The following ITGAV variants were observed in gnomAD, a reference collection of about 807,000 sequenced individuals.
The protein encoded by ITGAV is integrin subunit alpha V.
A neutral mutation model predicts 143.8 loss-of-function variants in ITGAV; 76 were observed. The ratio of observed to expected loss-of-function variants is 0.53; its 90% CI spans 0.44 to 0.64. The LOEUF (loss-of-function observed/expected upper bound fraction) is 0.64, where lower values mean the gene tolerates loss of function less well. ITGAV is among the 30% of genes least tolerant of loss of function. The pLI is 0.00. For missense variants in ITGAV, 1,193 were observed against 1,274.7 expected, an observed-to-expected ratio of 0.94 and a Z score of 0.98; for synonymous variants, 453 against 446.7, an observed-to-expected ratio of 1.01 and a Z score of -0.18.
In ITGAV at chr2:186,668,868, A is replaced by G; in HGVS notation, c.2540A>G (p.Asp847Gly). 1 of 1,613,418 alleles carries G rather than the reference A, an allele frequency of 6.2e-7. No individual in the cohort carries two copies. Among genetic ancestry groups the G allele is most frequent in the Non-Finnish European group, 8.5e-7 (1 of 1,179,574 alleles). Residue 847 changes from aspartate (D) to glycine (G), a missense_variant, in exon 25 of 30, where the codon GAT (aspartate) becomes GGT (glycine). Asp to Gly is a moderately conservative substitution (Grantham distance 94). Transcript: ENST00000261023. ...TTGTATATCCTTCATTATGATATTG[A>G]TGGACCAATGAACTGCACTTCAGAT... Reference protein sequence around the residue: ...TLLYILHYDIDGPMNCTSDME... With the variant: ...TLLYILHYDIGGPMNCTSDME...
chr2:186,595,268 A>G (rs1230570178), intron 1 of ITGAV, among the ~76,000 whole-genome samples: 1 of 152,252 alleles, frequency 6.6e-6, no homozygotes, highest in Non-Finnish European at 1.5e-5. Flanking sequence ...CAGTGCTGAA[A>G]GCAGACAAAC....
At chr2:186,600,507 C>T in intron 1 of ITGAV, 1 of 1,281,034 alleles carries the variant, frequency 7.8e-7, no homozygotes, top group Non-Finnish European at 1.1e-6. Context: ...CCCTCTCATC[C>T]TTAGAGATAA....
At chr2:186,655,743 A>C (rs1313159392) in intron 16 of ITGAV, among the ~76,000 whole-genome samples, 1 of 152,240 alleles carries the variant, frequency 6.6e-6, no homozygotes, top group Non-Finnish European at 1.5e-5. Flanking sequence ...TCCTGAAGGC[A>C]TATTCATCTG....
At chr2:186,613,503 T>C (rs560490445) in intron 2 of ITGAV, among the ~76,000 whole-genome samples, 1 of 152,190 alleles carries the variant, frequency 6.6e-6, no homozygotes, top group African/African-American at 2.4e-5. Context: ...GTAAAAGATG[T>C]TTCTGGATAG....
chr2:186,639,537 C>T (rs1332491070), intron 10 of ITGAV, among the ~76,000 whole-genome samples: 4 of 152,160 alleles, frequency 2.6e-5, no homozygotes, highest in Non-Finnish European at 5.9e-5. Context: ...ATGTATGAGT[C>T]TGGATCCTAC....
intron 1 of ITGAV, among the ~76,000 whole-genome samples, chr2:186,599,744 A>C (rs1484007028): frequency 6.6e-6 from 1 of 152,174 alleles, no homozygotes. Context: ...GTAAGTACTT[A>C]ATCTGCCTTC....
intron 5 of ITGAV, among the ~76,000 whole-genome samples, chr2:186,632,645 C>G (rs1244542488): frequency 1.3e-5 from 2 of 152,072 alleles, no homozygotes; most frequent in East Asian, 3.9e-4. Context: ...AAATTTTATT[C>G]TCAACTTCAC....
At chr2:186,603,499 G>A (rs1686970545) in intron 2 of ITGAV, among the ~76,000 whole-genome samples, 1 of 151,516 alleles carries the variant, frequency 6.6e-6, no homozygotes, top group Admixed American at 6.6e-5. Flanking sequence ...AAACTCTGTT[G>A]TTGTATTTTT....
chr2:186,615,658 T>A (rs1687333304), intron 2 of ITGAV, among the ~76,000 whole-genome samples: 1 of 152,146 alleles, frequency 6.6e-6, no homozygotes, highest in Non-Finnish European at 1.5e-5. Flanking sequence ...TTGTTTGTCT[T>A]ACTGAGTTGT....
At chr2:186,670,624 C>G (rs1221945934) in intron 26 of ITGAV, among the ~76,000 whole-genome samples, 2 of 152,174 alleles carry the variant, frequency 1.3e-5, no homozygotes, top group African/African-American at 2.4e-5. Context: ...ATAGTGATCA[C>G]TAGTTACTTT....
chr2:186,660,680 G>A (rs1231634017), intron 18 of ITGAV: 1 of 152,118 alleles, frequency 6.6e-6, no homozygotes, highest in Middle Eastern at 3.2e-3. Flanking sequence ...AAAGGTATAG[G>A]TGAAATTTAT....
intron 5 of ITGAV, 25 bp downstream of exon 5, chr2:186,630,883 G>A (rs1473853258): frequency 7.7e-7 from 1 of 1,290,664 alleles, no homozygotes; most frequent in Non-Finnish European, 1.1e-6. Context: ...AAGACTGAAT[G>A]AGATTCACAT....
chr2:186,624,677 T>C (rs1276406597), intron 3 of ITGAV, among the ~76,000 whole-genome samples: 1 of 152,254 alleles, frequency 6.6e-6, no homozygotes, highest in African/African-American at 2.4e-5. Flanking sequence ...GGTAGATTAC[T>C]ATGTTGTTAA....
chr2:186,667,715 A>T lies in ITGAV; in HGVS notation c.2372A>T (p.Glu791Val). Reference sequence around the variant, plus strand: ...GTCTTTCTTCCGATTCCAAACTGGGAGCACAAGGAGAACCCTGAGACTGAA... The same window carrying T: ...GTCTTTCTTCCGATTCCAAACTGGGTGCACAAGGAGAACCCTGAGACTGAA... ...DHVFLPIPNW[E>V]HKENPETEED... The change falls in exon 24 of 30, where the codon GAG (glutamate) becomes GTG (valine). Residue 791 changes from glutamate (E) to valine (V), a missense_variant. Transcript: ENST00000261023. 6.2e-7 allele frequency: 1 copy of T among 1,611,220 alleles called. No individual in the cohort carries two copies. The highest frequency in any genetic ancestry group is 8.5e-7 in the Non-Finnish European group (1 of 1,178,010).
intron 20 of ITGAV, 22 bp from the exon 21 acceptor site, chr2:186,665,096 ATTTTTTTT>A: frequency 9.9e-7 from 1 of 1,013,868 alleles, no homozygotes; most frequent in Non-Finnish European, 1.4e-6. Flanking sequence ...TTTCATATCC[ATTTTTTTT>A]TTTTTTTTTG....
At chr2:186,615,758 G>T (rs1687337639) in intron 2 of ITGAV, among the ~76,000 whole-genome samples, 1 of 151,876 alleles carries the variant, frequency 6.6e-6, no homozygotes, top group South Asian at 2.1e-4. Context: ...AGTTTTGAGG[G>T]TTGTCTTTCC....
At chr2:186,593,141 G>T (rs1453934679) in intron 1 of ITGAV, among the ~76,000 whole-genome samples, 1 of 152,188 alleles carries the variant, frequency 6.6e-6, no homozygotes, top group African/African-American at 2.4e-5. Flanking sequence ...TCTGAGGGGA[G>T]AAGGATTTGT....
chr2:186,652,684 G>T (rs1375249282), intron 15 of ITGAV, among the ~76,000 whole-genome samples: 1 of 151,956 alleles, frequency 6.6e-6, no homozygotes, highest in Non-Finnish European at 1.5e-5. Context: ...ATTCCAAACA[G>T]GCCCATGAAC....
intron 3 of ITGAV, among the ~76,000 whole-genome samples, chr2:186,624,155 T>C (rs147207296): frequency 8.7e-4 from 132 of 152,308 alleles, no homozygotes; most frequent in African/African-American, 2.4e-3. Context: ...TTTCAGTTAG[T>C]ACCTTAGTGT....
Sources: gnomAD v4.1 joint callset for allele counts (sites outside exome capture counted in the v4.1 genomes callset) on GRCh38, gnomAD v4.1.1 for gene constraint, MANE v1.5 for transcripts, NCBI Gene and HGNC (gene_info 2026-07-23, HGNC 2026-07-21) for gene names.